The following WDSUB1 variants were observed in gnomAD, a reference collection of about 807,000 sequenced individuals.
WDSUB1 encodes WD repeat, SAM and U-box domain-containing protein 1.
Under a neutral mutation model 53.9 loss-of-function variants are expected in WDSUB1, and 49 were observed. The ratio of observed to expected loss-of-function variants is 0.91; its 90% CI spans 0.72 to 1.15. The LOEUF (loss-of-function observed/expected upper bound fraction) is 1.15, where lower values mean the gene tolerates loss of function less well. Among genes scored for constraint, WDSUB1 ranks in the 50% most tolerant of loss-of-function variants. WDSUB1 has a pLI of 0.00. For synonymous variants in WDSUB1, 194 were observed against 200.6 expected (o/e 0.97, Z 0.28); for missense variants, 514 against 562.0 (o/e 0.91, Z 0.86).
chr2:159,284,146 T>C (rs923827048), intron 1 of WDSUB1, among the ~76,000 whole-genome samples: 3 of 152,136 alleles, frequency 2.0e-5, no homozygotes, highest in Non-Finnish European at 2.9e-5. Flanking sequence ...ACCTGTTACC[T>C]GGGATAAGAA....
rs79889012 is a variant in WDSUB1, at chr2:159,248,366, A to G, written c.1273+6T>C. On this transcript the variant is annotated splice_donor_region_variant and intron_variant, in intron 10 of 10. Coordinates refer to ENST00000359774, the MANE Select transcript of WDSUB1 (RefSeq NM_001128212.3). ...CCCCTGCAACTTAGTATAGCATCAC[A>G]CATACCTGATGCGATGACCGGATCT... 27 of 1,611,410 alleles carry G rather than the reference A, an allele frequency of 1.7e-5. No homozygotes were observed. In the Admixed American group the frequency reaches 1.8e-4, roughly 11 times the overall value.
In WDSUB1 at chr2:159,247,910, A is replaced by ATAAATATATATATAT. The variant is rs2060846247; in HGVS notation, c.1273+461_1273+462insATATATATATATTTA. Among the ~76,000 whole-genome samples the ATAAATATATATATAT allele has an allele frequency of 6.1e-3, 108 of 17,654 alleles. 2 individuals carry two copies. Among genetic ancestry groups the ATAAATATATATATAT allele is most frequent in the Non-Finnish European group, 0.011 (81 of 7,498 alleles). The allele number at this position is 17,654 out of a possible 152,430, so 11.6% of individuals were successfully genotyped here. A position where few individuals can be genotyped will look rare whatever the true frequency, so the allele number is the denominator to read the frequency against. On this transcript the variant is annotated intron_variant, in intron 10 of 10. Coordinates refer to ENST00000359774, the MANE Select transcript of WDSUB1 (RefSeq NM_001128212.3). ...AAATATATATATATATATATATATA[A>ATAAATATATATATAT]ATATATATATATATATAAATATATA...
In WDSUB1 at chr2:159,282,554, T is replaced by G; in HGVS notation, c.398+118A>C. The G allele has an allele frequency of 1.6e-6, 2 of 1,218,622 alleles. 1 individual carries two copies. Among genetic ancestry groups the G allele is most frequent in the South Asian group, 3.3e-5 (2 of 61,474 alleles). 75.5% of individuals were successfully genotyped at this position (1,218,622 alleles called of 1,614,324 possible). A position where few individuals can be genotyped will look rare whatever the true frequency, so the allele number is the denominator to read the frequency against. On this transcript the variant is annotated intron_variant, in intron 2 of 10. Coordinates refer to ENST00000359774, the MANE Select transcript of WDSUB1 (RefSeq NM_001128212.3). Reference sequence around the variant, plus strand: ...TTGGCTTCCTAGGGTCATCAAAATATTTTTCTTTTTTTCTACATCACTTAG... The same window carrying G: ...TTGGCTTCCTAGGGTCATCAAAATAGTTTTCTTTTTTTCTACATCACTTAG...
intron 9 of WDSUB1, among the ~76,000 whole-genome samples, chr2:159,254,716 GATTA>G (rs1173914034): frequency 6.6e-5 from 10 of 152,196 alleles, no homozygotes; most frequent in South Asian, 2.1e-4. Flanking sequence ...GTACCCTTAA[GATTA>G]ATTGTGAGAG....
At chr2:159,241,339 A>T (rs1254814199) in intron 10 of WDSUB1, among the ~76,000 whole-genome samples, 1 of 152,220 alleles carries the variant, frequency 6.6e-6, no homozygotes, top group Admixed American at 6.5e-5. Flanking sequence ...GGCTGGGCAC[A>T]TCACTTGAGG....
At chr2:159,237,425 G>A (rs1291226763) in intron 10 of WDSUB1, among the ~76,000 whole-genome samples, 2 of 151,870 alleles carry the variant, frequency 1.3e-5, no homozygotes, top group East Asian at 3.9e-4. Context: ...GGAGGCTGAG[G>A]CAGGAGAATC....
chr2:159,266,876 C>T (rs1302851286), intron 5 of WDSUB1, among the ~76,000 whole-genome samples: 1 of 152,110 alleles, frequency 6.6e-6, no homozygotes, highest in Non-Finnish European at 1.5e-5. Flanking sequence ...TAGGCTCAAG[C>T]GATCCTCCCA....
At chr2:159,268,082 CCG>C (rs2151119802) in intron 5 of WDSUB1, among the ~76,000 whole-genome samples, 1 of 152,268 alleles carries the variant, frequency 6.6e-6, no homozygotes, top group South Asian at 2.1e-4. Flanking sequence ...AAGAATTATA[CCG>C]CTATAAAATG....
At chr2:159,245,640 T>A (rs1178034386) in intron 10 of WDSUB1, among the ~76,000 whole-genome samples, 1 of 152,064 alleles carries the variant, frequency 6.6e-6, no homozygotes, top group African/African-American at 2.4e-5. Flanking sequence ...TAGAAATGGA[T>A]GATTTCAACA....
At chr2:159,240,185 A>G (rs905990836) in intron 10 of WDSUB1, among the ~76,000 whole-genome samples, 1 of 152,128 alleles carries the variant, frequency 6.6e-6, no homozygotes, top group Admixed American at 6.5e-5. Flanking sequence ...TGCACTTACC[A>G]TAATTTTTCC....
In WDSUB1 at chr2:159,276,609, A is replaced by G. The variant is rs1050019916; in HGVS notation, c.584-971T>C. ...TCATTATATATCTACTAAAGTTCCT[A>G]AACAATTTTGGATAATGTAAATATT... is the stretch of plus-strand genomic sequence containing the variant. On this transcript the variant is annotated intron_variant, in intron 3 of 10. Coordinates refer to ENST00000359774, the MANE Select transcript of WDSUB1 (RefSeq NM_001128212.3). 2.6e-5 allele frequency among the ~76,000 whole-genome samples: 4 copies of G among 152,242 alleles called. No homozygotes were observed. The South Asian group carries it at 6.2e-4, about 24-fold the overall frequency.
At chr2:159,274,409 C>G (rs754838360) in intron 4 of WDSUB1, among the ~76,000 whole-genome samples, 2 of 152,052 alleles carry the variant, frequency 1.3e-5, no homozygotes, top group African/African-American at 4.8e-5. Flanking sequence ...GAAAATACCT[C>G]AAGGTTCCAG....
chr2:159,253,848 T>C (rs1222683617), intron 9 of WDSUB1, among the ~76,000 whole-genome samples: 3 of 152,230 alleles, frequency 2.0e-5, no homozygotes, highest in Non-Finnish European at 4.4e-5. Context: ...TCATTGTAGC[T>C]TACAATACCA....
rs943382426 is a variant in WDSUB1 at position 159,273,477 on chromosome 2, G to A, written c.677-1682C>T. ...CTTCTGTCACCCAGGCTGGAGTGCG[G>A]TGGTACAGTCTCGGCTCACTGCAAC... On this transcript the variant is annotated intron_variant, in intron 4 of 10. Transcript: ENST00000359774. Among the ~76,000 whole-genome samples the A allele has an allele frequency of 2.0e-5, 3 of 152,022 alleles. No homozygotes were observed. The South Asian group carries it at 6.2e-4, about 32-fold the overall frequency.
chr2:159,276,314 C>G (rs2061540451), intron 3 of WDSUB1, among the ~76,000 whole-genome samples: 1 of 152,208 alleles, frequency 6.6e-6, no homozygotes, highest in Non-Finnish European at 1.5e-5. Context: ...CCTGCCTCAG[C>G]CTCCCAAAGT....
At chr2:159,240,222 A>AT in intron 10 of WDSUB1, among the ~76,000 whole-genome samples, 1 of 152,222 alleles carries the variant, frequency 6.6e-6, no homozygotes, top group East Asian at 1.9e-4. Flanking sequence ...ATATTTGTGC[A>AT]TTTTTATGGC....
intron 10 of WDSUB1, among the ~76,000 whole-genome samples, chr2:159,245,929 G>A (rs2060784646): frequency 8.8e-6 from 1 of 113,302 alleles, no homozygotes; most frequent in Non-Finnish European, 2.1e-5. Flanking sequence ...TGAAAGTGAT[G>A]AGGCAGGCTA....
chr2:159,251,687 A>G (rs1449977529), intron 9 of WDSUB1, among the ~76,000 whole-genome samples: 1 of 152,206 alleles, frequency 6.6e-6, no homozygotes. Context: ...ATAATCCTGA[A>G]AAGACATCTT....
chr2:159,245,554 A>C (rs2151057753), intron 10 of WDSUB1, among the ~76,000 whole-genome samples: 1 of 152,018 alleles, frequency 6.6e-6, no homozygotes, highest in Non-Finnish European at 1.5e-5. Flanking sequence ...AAAGACTATA[A>C]AGCTACAGTA....
Sources: allele counts gnomAD v4.1 joint callset (sites outside exome capture counted in the v4.1 genomes callset), GRCh38; gene constraint gnomAD v4.1.1; transcripts MANE v1.5; gene names NCBI Gene and HGNC (gene_info 2026-07-23, HGNC 2026-07-21).